The following C12orf42 variants were observed in gnomAD, a reference collection of about 807,000 sequenced individuals.
The protein encoded by C12orf42 is uncharacterized protein C12orf42.
Under a neutral mutation model 21.6 loss-of-function variants are expected in C12orf42, and 25 were observed. The ratio of observed to expected loss-of-function variants is 1.16; its 90% CI spans 0.84 to 1.62. The LOEUF (loss-of-function observed/expected upper bound fraction) is 1.62. Ranked by LOEUF, C12orf42 falls within the 40% of genes most tolerant of loss-of-function variation. C12orf42 has a pLI of 0.00. For missense variants in C12orf42, 483 were observed against 459.3 expected, an observed-to-expected ratio of 1.05 and a Z score of -0.47; for synonymous variants, 174 against 175.0, an observed-to-expected ratio of 0.99 and a Z score of 0.05.
downstream of C12orf42, among the ~76,000 whole-genome samples, chr12:103,301,526 G>T (rs1383057880): frequency 2.0e-5 from 3 of 152,132 alleles, no homozygotes; most frequent in Non-Finnish European, 4.4e-5. Flanking sequence ...AGCAAATTCA[G>T]CACCTCTTTT....
At chr12:103,478,530 G>C in intron 1 of C12orf42, 83 bp from the exon 2 acceptor site, 1 of 564,306 alleles carries the variant, frequency 1.8e-6, no homozygotes, top group Non-Finnish European at 2.9e-6. Context: ...ATCTTTAAGA[G>C]CCAGAATCAT....
chr12:103,473,711 T>G (rs533425250), intron 2 of C12orf42, among the ~76,000 whole-genome samples: 1 of 152,188 alleles, frequency 6.6e-6, no homozygotes, highest in Admixed American at 6.5e-5. Context: ...CTTGAAAACA[T>G]AGAGTTGGTA....
chr12:103,495,478 C>T (rs942281982), intron 1 of C12orf42, among the ~76,000 whole-genome samples: 2 of 151,678 alleles, frequency 1.3e-5, no homozygotes, highest in Non-Finnish European at 2.9e-5. Flanking sequence ...GCGAGCCGGC[C>T]GGGTGGGGAG....
chr12:103,350,819 T>C (rs2043043223), intron 4 of C12orf42, among the ~76,000 whole-genome samples: 2 of 152,156 alleles, frequency 1.3e-5, no homozygotes, highest in South Asian at 4.1e-4. Flanking sequence ...ATTAGGTAAA[T>C]CTAATCTGTC....
intron 5 of C12orf42, 28 bp downstream of exon 5, chr12:103,305,946 G>A (rs1217714974): frequency 1.3e-6 from 2 of 1,568,152 alleles, no homozygotes; most frequent in East Asian, 2.3e-5. Context: ...GAAACAAGAA[G>A]AGTCAGTAAC....
At chr12:103,330,507 G>A (rs2041152604) in intron 4 of C12orf42, among the ~76,000 whole-genome samples, 1 of 152,138 alleles carries the variant, frequency 6.6e-6, no homozygotes, top group Non-Finnish European at 1.5e-5. Flanking sequence ...TGAAGTGGTT[G>A]GCTACTTGGG....
At chr12:103,550,442 C>T in the C12orf42 span, 1 of 152,014 alleles carries the variant, frequency 6.6e-6, no homozygotes, top group African/African-American at 2.4e-5. Context: ...AACATTTACT[C>T]TTCTCTTTTT....
chr12:103,246,851 A>G (rs974653230), intron 10 of C12orf42, among the ~76,000 whole-genome samples: 1 of 152,052 alleles, frequency 6.6e-6, no homozygotes, highest in Admixed American at 6.6e-5. Flanking sequence ...GAGGCTCATT[A>G]TTGTAGGTAG....
At chr12:103,200,711 C>A in the C12orf42 span, among the ~76,000 whole-genome samples, 3 of 152,232 alleles carry the variant, frequency 2.0e-5, no homozygotes, top group South Asian at 6.2e-4. Context: ...TTTTGTATGC[C>A]TGTTTGTTTT....
downstream of C12orf42, among the ~76,000 whole-genome samples, chr12:103,263,545 T>G (rs957301928): frequency 6.6e-6 from 1 of 152,066 alleles, no homozygotes; most frequent in Non-Finnish European, 1.5e-5. Context: ...TCCAAGGAGA[T>G]AGTGGTCCTG....
chr12:103,196,967 C>A, the C12orf42 span, among the ~76,000 whole-genome samples: 1 of 152,166 alleles, frequency 6.6e-6, no homozygotes, highest in South Asian at 2.1e-4. Flanking sequence ...ATGTTCTTAG[C>A]TGGTTGGTAT....
the C12orf42 span, among the ~76,000 whole-genome samples, chr12:103,116,688 C>G: frequency 2.0e-5 from 3 of 152,174 alleles, no homozygotes; most frequent in East Asian, 5.8e-4. Flanking sequence ...TTCAACAAGA[C>G]ATATGAAAAT....
At chr12:103,404,790 C>A (rs2048300844) in intron 2 of C12orf42, among the ~76,000 whole-genome samples, 2 of 152,070 alleles carry the variant, frequency 1.3e-5, no homozygotes, top group African/African-American at 4.8e-5. Flanking sequence ...TAGGACAGCT[C>A]AGCTAATTAA....
chr12:103,529,778 T>C, the C12orf42 span, among the ~76,000 whole-genome samples: 24 of 152,332 alleles, frequency 1.6e-4, no homozygotes, highest in South Asian at 5.0e-3. Flanking sequence ...ATTTCAATGG[T>C]GAGACAAAAT....
the C12orf42 span, among the ~76,000 whole-genome samples, chr12:103,227,539 G>A: frequency 2.8e-4 from 43 of 152,158 alleles, 1 homozygote; most frequent in East Asian, 1.5e-3. Flanking sequence ...GGGACTTGCC[G>A]CTAAGGGTGA....
chr12:103,548,291 G>T, the C12orf42 span, among the ~76,000 whole-genome samples: 5 of 152,138 alleles, frequency 3.3e-5, no homozygotes, highest in Non-Finnish European at 7.3e-5. Context: ...AAGAAAATGC[G>T]GACTGAAGAT....
intron 3 of C12orf42, among the ~76,000 whole-genome samples, chr12:103,394,574 A>G (rs1163108559): frequency 6.6e-6 from 1 of 152,238 alleles, no homozygotes; most frequent in South Asian, 2.1e-4. Flanking sequence ...TGATTTGGTT[A>G]TGTGTTTGAA....
intron 3 of C12orf42, among the ~76,000 whole-genome samples, chr12:103,391,270 T>TC (rs2047056699): frequency 6.6e-6 from 1 of 152,216 alleles, no homozygotes; most frequent in Non-Finnish European, 1.5e-5. Flanking sequence ...TATCCATTTC[T>TC]CTGTTTTCGA....
At chr12:103,346,191 C>T (rs911052077) in intron 4 of C12orf42, among the ~76,000 whole-genome samples, 4 of 152,154 alleles carry the variant, frequency 2.6e-5, no homozygotes, top group Non-Finnish European at 5.9e-5. Flanking sequence ...ACTGTAATCA[C>T]TTTCCTTAAT....
Sources: allele counts gnomAD v4.1 joint callset (sites outside exome capture counted in the v4.1 genomes callset), GRCh38; gene constraint gnomAD v4.1.1; transcripts MANE v1.5; gene names NCBI Gene and HGNC (gene_info 2026-07-23, HGNC 2026-07-21).